Variants in ATXN1 observed in about 807,000 individuals in gnomAD.
ATXN1 encodes the protein ataxin 1.
ATXN1 carries 8 observed loss-of-function variants against 56.4 expected under a neutral mutation model. The ratio of observed to expected loss-of-function variants is 0.14; its 90% CI spans 0.08 to 0.26. ATXN1 has a LOEUF of 0.26. Among genes scored for constraint, ATXN1 ranks in the 10% least tolerant of loss-of-function variants. The pLI is 1.00. For missense variants in ATXN1, 987 were observed against 1,106.5 expected, an observed-to-expected ratio of 0.89 and a Z score of 1.53; for synonymous variants, 514 against 494.6, an observed-to-expected ratio of 1.04 and a Z score of -0.52.
At chr6:16,334,858 G>A (rs557819748) in intron 6 of ATXN1, among the ~76,000 whole-genome samples, 2 of 152,320 alleles carry the variant, frequency 1.3e-5, no homozygotes, top group African/African-American at 2.4e-5. Context: ...GATCAGTTGC[G>A]CAAGAGGTCT....
At chr6:16,655,686 C>T (rs967996346) in intron 3 of ATXN1, among the ~76,000 whole-genome samples, 23 of 151,464 alleles carry the variant, frequency 1.5e-4, no homozygotes, top group African/African-American at 5.3e-4. Flanking sequence ...AAAGAAACCC[C>T]GTCTCAAATA....
intron 4 of ATXN1, among the ~76,000 whole-genome samples, chr6:16,549,560 C>T (rs1004430251): frequency 1.3e-5 from 2 of 152,150 alleles, no homozygotes; most frequent in Admixed American, 6.6e-5. Context: ...AGGATACCAC[C>T]GATGCCCCAG....
intron 2 of ATXN1, among the ~76,000 whole-genome samples, chr6:16,674,113 A>C (rs1241409254): frequency 6.6e-6 from 1 of 152,108 alleles, no homozygotes; most frequent in Non-Finnish European, 1.5e-5. Flanking sequence ...CCAAGGATTC[A>C]GTCTGTTTGA....
At chr6:16,756,231 A>G (rs1760882759) in intron 1 of ATXN1, among the ~76,000 whole-genome samples, 1 of 152,124 alleles carries the variant, frequency 6.6e-6, no homozygotes. Flanking sequence ...AAGCATTTAT[A>G]TATTTTTAAA....
chr6:16,559,826 T>G, intron 4 of ATXN1, among the ~76,000 whole-genome samples: 1 of 152,136 alleles, frequency 6.6e-6, no homozygotes, highest in African/African-American at 2.4e-5. Flanking sequence ...GGTCTAATTT[T>G]GGATAGCTTT....
intron 2 of ATXN1, among the ~76,000 whole-genome samples, chr6:16,701,224 T>A (rs1333412146): frequency 6.6e-6 from 1 of 152,210 alleles, no homozygotes; most frequent in African/African-American, 2.4e-5. Flanking sequence ...CACCAATGAA[T>A]TTTTTATGAC....
intron 3 of ATXN1, among the ~76,000 whole-genome samples, chr6:16,627,729 A>G (rs1446534598): frequency 6.6e-6 from 1 of 152,154 alleles, no homozygotes; most frequent in Non-Finnish European, 1.5e-5. Flanking sequence ...TCCATCTCAA[A>G]GCAAACAAAC....
At chr6:16,372,777 G>C (rs543948149) in intron 6 of ATXN1, among the ~76,000 whole-genome samples, 2 of 151,998 alleles carry the variant, frequency 1.3e-5, no homozygotes, top group Non-Finnish European at 2.9e-5. Flanking sequence ...TTAGCTGGGC[G>C]TGGTGGCACA....
At chr6:16,573,836 AT>A (rs1355422835) in intron 4 of ATXN1, among the ~76,000 whole-genome samples, 2 of 152,012 alleles carry the variant, frequency 1.3e-5, no homozygotes, top group African/African-American at 4.8e-5. Flanking sequence ...ATCACTACAC[AT>A]CCTGTTAAGG....
At chr6:16,478,496 A>G (rs1056963010) in intron 6 of ATXN1, among the ~76,000 whole-genome samples, 10 of 152,230 alleles carry the variant, frequency 6.6e-5, no homozygotes, top group African/African-American at 2.4e-4. Context: ...CTTTCTGAAC[A>G]ATAGCGTTCT....
At chr6:16,537,046 T>C (rs1223754064) in intron 4 of ATXN1, among the ~76,000 whole-genome samples, 1 of 152,050 alleles carries the variant, frequency 6.6e-6, no homozygotes, top group East Asian at 1.9e-4. Flanking sequence ...AAAATCTTTT[T>C]TTTTTTTTTG....
chr6:16,495,939 A>G (rs1045465303), intron 5 of ATXN1, among the ~76,000 whole-genome samples: 1 of 152,006 alleles, frequency 6.6e-6, no homozygotes, highest in Admixed American at 6.6e-5. Context: ...CAACAGAATT[A>G]TTTTCTGAAA....
intron 2 of ATXN1, among the ~76,000 whole-genome samples, chr6:16,752,453 G>A (rs1449812165): frequency 6.6e-6 from 1 of 152,078 alleles, no homozygotes; most frequent in Non-Finnish European, 1.5e-5. Flanking sequence ...CTGTTGCCTA[G>A]CCAGGCTTGG....
chr6:16,328,015 G>A lies in ATXN1; in HGVS notation c.296C>T (p.Ala99Val), dbSNP rs1052847025. The A allele has an allele frequency of 1.2e-6, 2 of 1,613,752 alleles. No individual in the cohort carries two copies. Among genetic ancestry groups the A allele is most frequent in the East Asian group, 2.2e-5 (1 of 44,888 alleles). Reference protein sequence around the residue: ...PPSAPRSVPVATTLPAAYATP... With the variant: ...PPSAPRSVPVVTTLPAAYATP... ...GGCGTACGCGGCAGGCAGCGTGGTG[G>A]CCACGGGGACAGACCTGGGAGCGCT... Residue 99 changes from alanine (A) to valine (V), a missense_variant, in exon 7 of 8, where the codon GCC becomes GTC. Coordinates refer to ENST00000436367, the MANE Select transcript of ATXN1 (RefSeq NM_001128164.2). The surrounding 1 kb of genome is among the most constrained non-coding windows in gnomAD (Gnocchi z 6.2).
intron 5 of ATXN1, among the ~76,000 whole-genome samples, chr6:16,505,175 A>C (rs180826959): frequency 6.6e-6 from 1 of 152,158 alleles, no homozygotes; most frequent in East Asian, 1.9e-4. Flanking sequence ...GGTCAGCTGG[A>C]CACCTAGGCA....
intron 6 of ATXN1, among the ~76,000 whole-genome samples, chr6:16,357,294 C>T (rs972647521): frequency 5.4e-5 from 8 of 149,004 alleles, no homozygotes; most frequent in Admixed American, 4.0e-4. Context: ...TTTTGAGACG[C>T]AGTCTCACTC....
intron 7 of ATXN1, among the ~76,000 whole-genome samples, chr6:16,308,257 C>T (rs866120426): frequency 2.0e-5 from 3 of 150,964 alleles, no homozygotes; most frequent in African/African-American, 4.9e-5. Context: ...ACCCGGGAGG[C>T]GGAGGCTGCA....
chr6:16,620,384 C>T (rs1297713059), intron 3 of ATXN1, among the ~76,000 whole-genome samples: 1 of 151,804 alleles, frequency 6.6e-6, no homozygotes, highest in South Asian at 2.1e-4. Context: ...ATTGTGCTAT[C>T]GTTTAGTGAT....
chr6:16,325,767 T>C (rs1331550430), intron 7 of ATXN1, among the ~76,000 whole-genome samples: 2 of 152,158 alleles, frequency 1.3e-5, no homozygotes, highest in Non-Finnish European at 2.9e-5. Flanking sequence ...AGACATTATA[T>C]ATATGTTGGA....
Sources: gnomAD v4.1 joint callset for allele counts (sites outside exome capture counted in the v4.1 genomes callset) on GRCh38, gnomAD v4.1.1 for gene constraint, Gnocchi (gnomAD v3.1) non-coding constraint, MANE v1.5 for transcripts, NCBI Gene and HGNC (gene_info 2026-07-23, HGNC 2026-07-21) for gene names.